The following TUSC3 variants were observed in gnomAD, a reference collection of about 807,000 sequenced individuals.
The protein encoded by TUSC3 is tumor suppressor candidate 3, also known as dolichyl-diphosphooligosaccharide--protein glycosyltransferase subunit TUSC3.
Under a neutral mutation model 44.8 loss-of-function variants are expected in TUSC3, and 45 were observed. The observed-to-expected ratio is 1.00, with a 90% CI of 0.79 to 1.29. The LOEUF (loss-of-function observed/expected upper bound fraction) is 1.29, where lower values mean the gene tolerates loss of function less well. TUSC3 is among the 50% of genes most tolerant of loss of function. The probability of loss-of-function intolerance (pLI) is 0.00; values close to 1 mark genes in which losing one functional copy is unlikely to be tolerated. For synonymous variants in TUSC3, 212 were observed against 152.9 expected (o/e 1.39, Z -2.85); for missense variants, 519 against 437.9 (o/e 1.19, Z -1.65).
chr8:15,632,132 T>G (rs1805798534), intron 2 of TUSC3, among the ~76,000 whole-genome samples: 1 of 152,232 alleles, frequency 6.6e-6, no homozygotes, highest in Non-Finnish European at 1.5e-5. Flanking sequence ...TGTCTTTTAT[T>G]TCACTCCCGC....
rs115554254 is a variant in TUSC3, at chr8:15,731,180, G to A, written c.862+451G>A. ...ATGCCTTTTTGGAACATATCAGAGT[G>A]AGTCAGACTAAGTGTTGTGAATCAG... On this transcript the variant is annotated intron_variant, in intron 7 of 10. Coordinates refer to ENST00000503731, the MANE Select transcript of TUSC3 (RefSeq NM_006765.4). 2.3e-3 allele frequency among the ~76,000 whole-genome samples: 344 copies of A among 152,200 alleles called. 2 individuals are homozygous for A. Among genetic ancestry groups the A allele is most frequent in the African/African-American group, 7.9e-3 (328 of 41,552 alleles).
At chr8:15,518,969 A>G (rs920725295) in intron 2 of TUSC3, among the ~76,000 whole-genome samples, 1 of 152,192 alleles carries the variant, frequency 6.6e-6, no homozygotes. Flanking sequence ...CTAAAATCGA[A>G]TCAATATATT....
At chr8:15,806,613 C>G in the TUSC3 span, 1 of 1,441,404 alleles carries the variant, frequency 6.9e-7, no homozygotes, top group East Asian at 2.3e-5. Context: ...TGATCATCTT[C>G]TTCAGATCTT....
intron 2 of TUSC3, among the ~76,000 whole-genome samples, chr8:15,642,089 G>A (rs1360954759): frequency 2.0e-5 from 3 of 152,118 alleles, no homozygotes; most frequent in Non-Finnish European, 4.4e-5. Context: ...TTTCTTCAGT[G>A]TTTAGCATAA....
In TUSC3 at chr8:15,765,021, G is replaced by A. The variant is rs1812288859; in HGVS notation, c.*865G>A. ...TCAAATCCTCAATCTTTGAATCCAG[G>A]TAAAAGGTTAATTATCCTAGGATTA... On this transcript the variant is annotated 3_prime_UTR_variant, in exon 11 of 11. Coordinates refer to ENST00000503731, the MANE Select transcript of TUSC3 (RefSeq NM_006765.4). The A allele has an allele frequency of 6.6e-6, 1 of 151,918 alleles. No homozygotes were observed. Among genetic ancestry groups the A allele is most frequent in the South Asian group, 2.1e-4 (1 of 4,824 alleles). The allele number at this position is 151,918 out of a possible 1,614,324, so 9.4% of individuals were successfully genotyped here. A position where few individuals can be genotyped will look rare whatever the true frequency, so the allele number is the denominator to read the frequency against.
the TUSC3 span, among the ~76,000 whole-genome samples, chr8:15,794,507 C>A: frequency 5.3e-5 from 8 of 152,184 alleles, no homozygotes; most frequent in Non-Finnish European, 1.2e-4. Flanking sequence ...AATCCGGCAA[C>A]TTAGCTGGCC....
At chr8:15,817,904 G>T in the TUSC3 span, among the ~76,000 whole-genome samples, 2 of 152,140 alleles carry the variant, frequency 1.3e-5, no homozygotes, top group African/African-American at 4.8e-5. Flanking sequence ...AAGAGGAAGA[G>T]AAATCCCACA....
At position 15,584,452 on chromosome 8, in the gene TUSC3, C is replaced by T. The variant is rs180958442; in HGVS notation, c.139-38628C>T. Reference sequence around the variant, plus strand: ...ATGAGTGCTAGCACTCTTACATGTTCAGGGGAATCTAAAGGTAAAGAAAGT... The same window carrying T: ...ATGAGTGCTAGCACTCTTACATGTTTAGGGGAATCTAAAGGTAAAGAAAGT... On this transcript the variant is annotated intron_variant, in intron 1 of 10. Coordinates refer to ENST00000503731, the MANE Select transcript of TUSC3 (RefSeq NM_006765.4). Among the ~76,000 whole-genome samples the T allele has an allele frequency of 7.9e-5, 12 of 152,232 alleles. 1 individual carries two copies. The highest frequency in any genetic ancestry group is 6.5e-4 in the Admixed American group (10 of 15,294).
chr8:15,543,823 C>G (rs1008782263), intron 1 of TUSC3, among the ~76,000 whole-genome samples: 1 of 150,498 alleles, frequency 6.6e-6, no homozygotes, highest in Non-Finnish European at 1.5e-5. Context: ...TCATGAAACA[C>G]CGAGAATTCC....
At chr8:15,687,989 G>C (rs533242526) in intron 6 of TUSC3, among the ~76,000 whole-genome samples, 1 of 152,012 alleles carries the variant, frequency 6.6e-6, no homozygotes, top group Admixed American at 6.6e-5. Flanking sequence ...GTATCAAGAA[G>C]AAATATTACA....
At chr8:15,472,986 C>T (rs924921440) in intron 1 of TUSC3, among the ~76,000 whole-genome samples, 2 of 152,080 alleles carry the variant, frequency 1.3e-5, no homozygotes, top group Non-Finnish European at 2.9e-5. Context: ...AGTTTTCTAA[C>T]CAGCAAATTA....
At chr8:15,791,936 G>A in the TUSC3 span, among the ~76,000 whole-genome samples, 1 of 152,094 alleles carries the variant, frequency 6.6e-6, no homozygotes, top group Admixed American at 6.6e-5. Flanking sequence ...CTCAACCGGT[G>A]ACAAAGAATT....
chr8:15,648,725 C>CAAAAAAAAAA (rs58526383), intron 2 of TUSC3, among the ~76,000 whole-genome samples: 544 of 26,162 alleles, frequency 0.021, 164 homozygotes, highest in Non-Finnish European at 0.027. Flanking sequence ...GACTCTGTGT[C>CAAAAAAAAAA]AAAAAAAAAA....
chr8:15,522,868 G>T (rs4831736), intron 2 of TUSC3, among the ~76,000 whole-genome samples: 1 of 152,082 alleles, frequency 6.6e-6, no homozygotes, highest in Non-Finnish European at 1.5e-5. Flanking sequence ...ACACAAATGT[G>T]CTATGTCAGT....
chr8:15,703,091 G>A (rs896849575), intron 6 of TUSC3, among the ~76,000 whole-genome samples: 2 of 152,046 alleles, frequency 1.3e-5, no homozygotes, highest in African/African-American at 4.8e-5. Flanking sequence ...ATTCTTTCAT[G>A]TTGATTCCCC....
chr8:15,840,734 T>A, the TUSC3 span, among the ~76,000 whole-genome samples: 2 of 152,210 alleles, frequency 1.3e-5, no homozygotes, highest in Non-Finnish European at 2.9e-5. Context: ...AATTCCATTG[T>A]GCTTATAATT....
intron 7 of TUSC3, among the ~76,000 whole-genome samples, chr8:15,736,591 A>G (rs1447221711): frequency 2.6e-5 from 4 of 152,186 alleles, no homozygotes; most frequent in Non-Finnish European, 5.9e-5. Flanking sequence ...AAATACACTT[A>G]TAAATATGGC....
intron 1 of TUSC3, among the ~76,000 whole-genome samples, chr8:15,621,710 T>C (rs895877472): frequency 6.6e-6 from 1 of 150,502 alleles, no homozygotes; most frequent in African/African-American, 2.4e-5. Context: ...TAAATGCAAG[T>C]AATTTGTTTG....
intron 7 of TUSC3, among the ~76,000 whole-genome samples, chr8:15,739,279 T>G (rs1811082229): frequency 6.6e-6 from 1 of 152,330 alleles, no homozygotes; most frequent in Non-Finnish European, 1.5e-5. Flanking sequence ...GTATGTATAT[T>G]AAGTTTTTTC....
Sources: gnomAD v4.1 joint callset for allele counts (sites outside exome capture counted in the v4.1 genomes callset) on GRCh38, gnomAD v4.1.1 for gene constraint, MANE v1.5 for transcripts, NCBI Gene and HGNC (gene_info 2026-07-23, HGNC 2026-07-21) for gene names.